The following BBS9 variants were observed in gnomAD, a reference collection of about 807,000 sequenced individuals.
The protein encoded by BBS9 is protein PTHB1.
A neutral mutation model predicts 117.7 loss-of-function variants in BBS9; 89 were observed. That is an observed-to-expected ratio of 0.76 (90% CI 0.64 to 0.90). BBS9 has a LOEUF of 0.90. BBS9 is among the 40% of genes least tolerant of loss of function. The pLI is 0.00. For synonymous variants in BBS9, 379 were observed against 370.9 expected (o/e 1.02, Z -0.25); for missense variants, 982 against 1,042.2 (o/e 0.94, Z 0.80).
At chr7:33,315,488 T>A (rs1329439952) in intron 9 of BBS9, among the ~76,000 whole-genome samples, 1 of 152,208 alleles carries the variant, frequency 6.6e-6, no homozygotes, top group Non-Finnish European at 1.5e-5. Context: ...AGCGGAGGAA[T>A]AAAATGATTC....
chr7:33,290,912 T>A (rs1803919471), intron 9 of BBS9, among the ~76,000 whole-genome samples: 1 of 152,216 alleles, frequency 6.6e-6, no homozygotes, highest in Non-Finnish European at 1.5e-5. Flanking sequence ...AATGGAAATG[T>A]GTATTGCTGT....
chr7:33,334,728 T>C (rs1279288715), intron 9 of BBS9, among the ~76,000 whole-genome samples: 1 of 152,206 alleles, frequency 6.6e-6, no homozygotes, highest in Non-Finnish European at 1.5e-5. Context: ...TTTTTGAGGA[T>C]TATCTAGTCT....
At chr7:33,616,919 TAC>T (rs1298905126) in intron 21 of BBS9, among the ~76,000 whole-genome samples, 1 of 152,022 alleles carries the variant, frequency 6.6e-6, no homozygotes. Context: ...TGTCCATGTG[TAC>T]ACATATTTGG....
At chr7:33,453,144 G>C (rs894027900) in intron 19 of BBS9, among the ~76,000 whole-genome samples, 1 of 152,132 alleles carries the variant, frequency 6.6e-6, no homozygotes, top group African/African-American at 2.4e-5. Context: ...TCTTAACTAT[G>C]GTTATGGGTT....
At chr7:33,264,938 A>T (rs2128327249) in intron 7 of BBS9, among the ~76,000 whole-genome samples, 1 of 152,316 alleles carries the variant, frequency 6.6e-6, no homozygotes, top group Non-Finnish European at 1.5e-5. Flanking sequence ...AAAGATAAAA[A>T]TTCACAGCTC....
chr7:33,494,119 T>A (rs535337820), intron 19 of BBS9, among the ~76,000 whole-genome samples: 2 of 152,270 alleles, frequency 1.3e-5, no homozygotes, highest in South Asian at 4.2e-4. Context: ...TCTAGACCGA[T>A]GGATCTCAAC....
At chr7:33,521,903 C>G (rs1352720111) in intron 20 of BBS9, among the ~76,000 whole-genome samples, 3 of 119,334 alleles carry the variant, frequency 2.5e-5, no homozygotes, top group East Asian at 6.1e-4. Flanking sequence ...CCCCTCCCCC[C>G]ACCCCACCAC....
intron 1 of BBS9, among the ~76,000 whole-genome samples, chr7:33,145,889 G>T (rs1455396806): frequency 1.3e-5 from 2 of 152,308 alleles, no homozygotes; most frequent in East Asian, 3.9e-4. Flanking sequence ...AGGAAGTTAG[G>T]TATTTCACTG....
chr7:33,618,073 CT>C (rs1387840582), intron 21 of BBS9, among the ~76,000 whole-genome samples: 1 of 152,242 alleles, frequency 6.6e-6, no homozygotes, highest in East Asian at 1.9e-4. Flanking sequence ...GGCATGGTGT[CT>C]CATGCCTGTA....
intron 6 of BBS9, 105 bp downstream of exon 6, chr7:33,257,515 C>T (rs1055955548): frequency 2.3e-5 from 24 of 1,030,910 alleles, no homozygotes; most frequent in African/African-American, 4.7e-5. Context: ...AAAAAGAGAT[C>T]GGTTTCTTTG....
At chr7:33,234,459 G>A (rs1793097110) in intron 5 of BBS9, among the ~76,000 whole-genome samples, 2 of 151,900 alleles carry the variant, frequency 1.3e-5, no homozygotes, top group South Asian at 4.1e-4. Flanking sequence ...ACCTCATATA[G>A]TTAGCATTTT....
At chr7:33,500,261 G>A (rs1397253137) in intron 19 of BBS9, among the ~76,000 whole-genome samples, 4 of 152,156 alleles carry the variant, frequency 2.6e-5, no homozygotes, top group Non-Finnish European at 5.9e-5. Flanking sequence ...TTCTTCCTTA[G>A]TGTCTTTGCT....
At chr7:33,534,835 C>T (rs1475707435) in intron 21 of BBS9, among the ~76,000 whole-genome samples, 3 of 152,142 alleles carry the variant, frequency 2.0e-5, no homozygotes, top group African/African-American at 7.2e-5. Context: ...TCCTGTTTCC[C>T]TCTTCCTAGC....
At chr7:33,299,706 A>G (rs1244595311) in intron 9 of BBS9, among the ~76,000 whole-genome samples, 1 of 151,856 alleles carries the variant, frequency 6.6e-6, no homozygotes, top group Non-Finnish European at 1.5e-5. Context: ...TGCATCAATC[A>G]GGCACTGGGC....
chr7:33,388,223 C>T (rs1305637479), intron 19 of BBS9, 79 bp downstream of exon 19: 1 of 1,510,386 alleles, frequency 6.6e-7, no homozygotes, highest in African/African-American at 1.4e-5. Flanking sequence ...ACCAGAATAT[C>T]CAAGATAAGG....
At chr7:33,350,502 A>T (rs1472432359) in intron 13 of BBS9, among the ~76,000 whole-genome samples, 1 of 152,186 alleles carries the variant, frequency 6.6e-6, no homozygotes, top group Admixed American at 6.5e-5. Flanking sequence ...AGCACGCACA[A>T]TCTGTTAAGT....
At position 33,140,313 on chromosome 7, in the gene BBS9, C is replaced by T. The variant is rs1466152192; in HGVS notation, c.-11-5929C>T. ...TGCTGGGATTACAGGCATGAGCCAC[C>T]GCACCCAGCCGGATTCCTCCTCTTC... is the stretch of plus-strand genomic sequence containing the variant. On this transcript the variant is annotated intron_variant, in intron 1 of 22. Transcript: ENST00000242067. 7.2e-5 allele frequency among the ~76,000 whole-genome samples: 11 copies of T among 152,242 alleles called. 1 individual carries two copies. The South Asian group carries it at 1.7e-3, about 23-fold the overall frequency.
At position 33,177,608 on chromosome 7, in the gene BBS9, C is replaced by T; in HGVS notation, c.442+17C>T. On this transcript the variant is annotated intron_variant, in intron 5 of 22. Transcript: ENST00000242067. ...GTGTAAAAGGTAATTTGCTTTTAATCATGAGTATGCTATTTCAAGTGACAG... is the reference window on the plus strand; with the variant it reads ...GTGTAAAAGGTAATTTGCTTTTAATTATGAGTATGCTATTTCAAGTGACAG... The T allele has an allele frequency of 6.8e-7, 1 of 1,476,114 alleles. No homozygotes were observed. The highest frequency in any genetic ancestry group is 9.5e-7 in the Non-Finnish European group (1 of 1,054,664). 91.4% of individuals were successfully genotyped at this position (1,476,114 alleles called of 1,614,324 possible).
At chr7:33,459,044 T>G (rs1001788054) in intron 19 of BBS9, among the ~76,000 whole-genome samples, 2 of 152,066 alleles carry the variant, frequency 1.3e-5, no homozygotes, top group Non-Finnish European at 2.9e-5. Flanking sequence ...GGAATGAAGT[T>G]AGGGGATCAG....
Sources: allele counts gnomAD v4.1 joint callset (sites outside exome capture counted in the v4.1 genomes callset), GRCh38; gene constraint gnomAD v4.1.1; transcripts MANE v1.5; gene names NCBI Gene and HGNC (gene_info 2026-07-23, HGNC 2026-07-21).